AGBL4: variants seen among roughly 807,000 people sequenced by gnomAD.
The protein encoded by AGBL4 is cytosolic carboxypeptidase 6.
A neutral mutation model predicts 66.4 loss-of-function variants in AGBL4; 58 were observed. That is an observed-to-expected ratio of 0.87 (90% confidence interval 0.71 to 1.09). AGBL4 has a LOEUF of 1.09. Ranked by LOEUF, AGBL4 falls within the 50% of genes least tolerant of loss-of-function variation. The pLI is 0.00. For synonymous variants in AGBL4, 234 were observed against 222.9 expected (o/e 1.05, Z -0.44); for missense variants, 579 against 631.0 (o/e 0.92, Z 0.88).
intron 3 of AGBL4, among the ~76,000 whole-genome samples, chr1:49,373,998 G>C (rs1262628111): frequency 6.6e-6 from 1 of 151,974 alleles, no homozygotes; most frequent in Non-Finnish European, 1.5e-5. Flanking sequence ...ATTATATTAT[G>C]TTTCTCAATC....
intron 4 of AGBL4, among the ~76,000 whole-genome samples, chr1:49,191,524 T>C (rs1647118680): frequency 6.6e-6 from 1 of 152,190 alleles, no homozygotes; most frequent in African/African-American, 2.4e-5. Context: ...GTACACTACT[T>C]GTCACTGAGG....
intron 5 of AGBL4, among the ~76,000 whole-genome samples, chr1:48,889,523 C>T (rs1363649454): frequency 6.6e-6 from 1 of 152,160 alleles, no homozygotes; most frequent in African/African-American, 2.4e-5. Context: ...ATAAATTGTA[C>T]ATAAGCTATG....
chr1:49,676,750 T>A (rs1411761282), intron 3 of AGBL4, among the ~76,000 whole-genome samples: 1 of 152,104 alleles, frequency 6.6e-6, no homozygotes, highest in African/African-American at 2.4e-5. Flanking sequence ...TTCACATCAA[T>A]CCTACATACA....
At chr1:49,088,520 G>A (rs573618243) in intron 4 of AGBL4, among the ~76,000 whole-genome samples, 2 of 152,068 alleles carry the variant, frequency 1.3e-5, no homozygotes, top group Admixed American at 6.5e-5. Context: ...ATTACATAGT[G>A]GTAAAAAATT....
rs780730813 is a variant in AGBL4 at position 49,573,140 on chromosome 1, GTGTGTC to G, written c.282+124167_282+124172del. 7.5e-4 allele frequency among the ~76,000 whole-genome samples: 101 copies of G among 134,702 alleles called. 2 individuals are homozygous for G. In the South Asian group the frequency reaches 0.02, roughly 26 times the overall value. 88.4% of individuals were successfully genotyped at this position (134,702 alleles called of 152,430 possible). On this transcript the variant is annotated intron_variant, in intron 3 of 13. Coordinates refer to ENST00000371839, the MANE Select transcript of AGBL4 (RefSeq NM_032785.4). Reference sequence around the variant, plus strand: ...TATATATATATGTGTGTCTGTGTGTGTGTGTCTGTGTGTGTGTGTGTGTGTGTGTGT... The same window carrying G: ...TATATATATATGTGTGTCTGTGTGTGTGTGTGTGTGTGTGTGTGTGTGTGT...
intron 1 of AGBL4, among the ~76,000 whole-genome samples, chr1:49,869,522 C>G (rs1004624782): frequency 1.3e-5 from 2 of 152,152 alleles, no homozygotes; most frequent in Non-Finnish European, 2.9e-5. Context: ...CATGTTCTCA[C>G]TTACAAGTGG....
chr1:49,744,870 T>G (rs777294871), intron 2 of AGBL4, among the ~76,000 whole-genome samples: 12 of 152,054 alleles, frequency 7.9e-5, no homozygotes, highest in Non-Finnish European at 1.5e-4. Flanking sequence ...CTGTATTTTA[T>G]CTGTTAAGGT....
At position 49,456,766 on chromosome 1, in the gene AGBL4, T is replaced by G. The variant is rs148495926; in HGVS notation, c.283-210902A>C. 4.7e-3 allele frequency among the ~76,000 whole-genome samples: 719 copies of G among 151,742 alleles called. 5 individuals carry two copies. The highest frequency in any genetic ancestry group is 0.017 in the African/African-American group (688 of 41,482). ...TGAGCCCCGAAGTCCATTGTATCAT[T>G]TTTATGCCTTTGCATCCTCATAACT... On this transcript the variant is annotated intron_variant, in intron 3 of 13. Coordinates refer to ENST00000371839, the MANE Select transcript of AGBL4 (RefSeq NM_032785.4).
At chr1:48,867,489 G>A (rs185491992) in intron 5 of AGBL4, among the ~76,000 whole-genome samples, 1 of 152,254 alleles carries the variant, frequency 6.6e-6, no homozygotes, top group Admixed American at 6.5e-5. Context: ...CCATACTTAT[G>A]GAAAATGAGG....
At chr1:49,491,238 G>C (rs1392620099) in intron 3 of AGBL4, among the ~76,000 whole-genome samples, 1 of 151,732 alleles carries the variant, frequency 6.6e-6, no homozygotes, top group Non-Finnish European at 1.5e-5. Context: ...TGCTTTACAA[G>C]TACCTCCCAC....
chr1:49,816,767 C>T (rs1405324054), intron 2 of AGBL4, among the ~76,000 whole-genome samples: 1 of 152,132 alleles, frequency 6.6e-6, no homozygotes, highest in Non-Finnish European at 1.5e-5. Flanking sequence ...GATAACAAGA[C>T]TAATTGGCAG....
chr1:49,947,203 T>C (rs927389599), intron 1 of AGBL4, among the ~76,000 whole-genome samples: 1 of 151,706 alleles, frequency 6.6e-6, no homozygotes, highest in African/African-American at 2.4e-5. Flanking sequence ...ATGAAGCCAA[T>C]ATCACCCAAA....
chr1:49,068,980 A>G (rs1250398968), intron 4 of AGBL4, among the ~76,000 whole-genome samples: 2 of 152,212 alleles, frequency 1.3e-5, no homozygotes, highest in African/African-American at 4.8e-5. Context: ...TCTGATGACC[A>G]GTGATGATGA....
chr1:49,543,063 T>A (rs547130479), intron 3 of AGBL4, among the ~76,000 whole-genome samples: 1 of 152,224 alleles, frequency 6.6e-6, no homozygotes, highest in East Asian at 1.9e-4. Flanking sequence ...GGAGAGAAAG[T>A]AATTAATTTG....
intron 2 of AGBL4, among the ~76,000 whole-genome samples, chr1:49,814,858 T>C (rs1189001724): frequency 6.6e-6 from 1 of 152,072 alleles, no homozygotes; most frequent in Non-Finnish European, 1.5e-5. Context: ...ATATGAAAAG[T>C]AGCCATTAAT....
chr1:48,790,395 A>G (rs1645520575), intron 6 of AGBL4, among the ~76,000 whole-genome samples: 1 of 152,190 alleles, frequency 6.6e-6, no homozygotes, highest in Admixed American at 6.5e-5. Context: ...TTTCCTTGGC[A>G]TAGAAAAATT....
intron 3 of AGBL4, among the ~76,000 whole-genome samples, chr1:49,548,281 G>T (rs539374586): frequency 2.0e-5 from 3 of 152,250 alleles, no homozygotes; most frequent in African/African-American, 7.2e-5. Flanking sequence ...TTACTGATTT[G>T]GATGCGTTTT....
At chr1:49,389,111 C>A (rs926093008) in intron 3 of AGBL4, among the ~76,000 whole-genome samples, 1 of 152,048 alleles carries the variant, frequency 6.6e-6, no homozygotes, top group African/African-American at 2.4e-5. Context: ...CTTGAAGGTC[C>A]AACTCTGTGG....
At chr1:49,036,118 A>G (rs1442673684) in intron 5 of AGBL4, among the ~76,000 whole-genome samples, 5 of 152,222 alleles carry the variant, frequency 3.3e-5, no homozygotes, top group Non-Finnish European at 5.9e-5. Context: ...ATCTAAAAAA[A>G]CATTGAAAAA....
Sources: gnomAD v4.1 joint callset for allele counts (sites outside exome capture counted in the v4.1 genomes callset) on GRCh38, gnomAD v4.1.1 for gene constraint, MANE v1.5 for transcripts, NCBI Gene and HGNC (gene_info 2026-07-23, HGNC 2026-07-21) for gene names.